Variants in ELAVL4 observed in about 807,000 individuals in gnomAD.
ELAVL4 encodes ELAV like RNA binding protein 4, also known as ELAV-like protein 4.
In ELAVL4, 1 loss-of-function variant was observed where a neutral mutation model predicts 35.6. The ratio of observed to expected loss-of-function variants is 0.03; its 90% CI spans 0.01 to 0.13. The LOEUF is 0.13. Among genes scored for constraint, ELAVL4 ranks in the 10% least tolerant of loss-of-function variants. The probability of loss-of-function intolerance (pLI) is 1.00; values close to 1 mark genes in which losing one functional copy is unlikely to be tolerated. For missense variants in ELAVL4, 267 were observed against 464.9 expected (o/e 0.57, Z 3.91); for synonymous variants, 156 against 171.0 (o/e 0.91, Z 0.69).
At chr1:50,054,618 T>A (rs1663563777) in intron 1 of ELAVL4, among the ~76,000 whole-genome samples, 1 of 152,238 alleles carries the variant, frequency 6.6e-6, no homozygotes, top group South Asian at 2.1e-4. Context: ...TATATTTGTG[T>A]ATTTTGTTTA....
At chr1:50,134,480 T>C (rs960184171) in intron 1 of ELAVL4, among the ~76,000 whole-genome samples, 6 of 152,140 alleles carry the variant, frequency 3.9e-5, no homozygotes, top group Non-Finnish European at 7.4e-5. Context: ...AGTTATTTTA[T>C]CCACATTAAA....
At chr1:50,058,079 A>C (rs1373576186) in intron 1 of ELAVL4, among the ~76,000 whole-genome samples, 1 of 152,236 alleles carries the variant, frequency 6.6e-6, no homozygotes, top group Non-Finnish European at 1.5e-5. Context: ...TGATTTTTGA[A>C]ATGGAAGAAC....
intron 3 of ELAVL4, among the ~76,000 whole-genome samples, chr1:50,190,574 T>C (rs146471862): frequency 6.6e-6 from 1 of 152,348 alleles, no homozygotes; most frequent in East Asian, 1.9e-4. Context: ...ATGATTGATG[T>C]GCTGTTCACC....
At chr1:50,168,404 G>C (rs532947862) in intron 2 of ELAVL4, among the ~76,000 whole-genome samples, 2 of 152,192 alleles carry the variant, frequency 1.3e-5, no homozygotes, top group East Asian at 1.9e-4. Context: ...CTTTAGTTGC[G>C]GGTCAGCCAC....
chr1:50,125,838 G>A (rs1669812072), intron 1 of ELAVL4, among the ~76,000 whole-genome samples: 1 of 152,018 alleles, frequency 6.6e-6, no homozygotes, highest in Non-Finnish European at 1.5e-5. Context: ...TGCTGGTTAA[G>A]GGCATCTTAG....
chr1:50,162,505 A>G (rs1676976403), intron 2 of ELAVL4, among the ~76,000 whole-genome samples: 1 of 152,220 alleles, frequency 6.6e-6, no homozygotes, highest in African/African-American at 2.4e-5. Flanking sequence ...AAGCCAGAAT[A>G]TACCCTCTGG....
At chr1:50,111,898 T>A (rs1185682628) in intron 1 of ELAVL4, among the ~76,000 whole-genome samples, 1 of 152,104 alleles carries the variant, frequency 6.6e-6, no homozygotes, top group East Asian at 1.9e-4. Context: ...TAAAAACAAT[T>A]GAAATGGTGA....
At position 50,197,203 on chromosome 1, in the gene ELAVL4, G is replaced by C. The variant is rs575994987; in HGVS notation, c.735-226G>C. On this transcript the variant is annotated intron_variant, in intron 5 of 6. Transcript: ENST00000371824. ...GTATTAATTCAGACCTTGAAAGAAAGGGAGACTCATTAGACACTTGCTTTA... is the reference window on the plus strand; with the variant it reads ...GTATTAATTCAGACCTTGAAAGAAACGGAGACTCATTAGACACTTGCTTTA... Among the ~76,000 whole-genome samples the C allele has an allele frequency of 4.0e-4, 61 of 152,252 alleles. 1 individual carries two copies. Among genetic ancestry groups the C allele is most frequent in the Non-Finnish European group, 1.9e-4 (13 of 68,014 alleles).
chr1:50,094,326 G>T (rs1370478798), intron 1 of ELAVL4, among the ~76,000 whole-genome samples: 3 of 152,156 alleles, frequency 2.0e-5, no homozygotes, highest in Admixed American at 6.5e-5. Flanking sequence ...GGTCTGCTGG[G>T]TACCACTTTA....
At chr1:50,144,478 C>A (rs1425149849) in intron 1 of ELAVL4, 1 of 424,444 alleles carries the variant, frequency 2.4e-6, no homozygotes, top group East Asian at 6.3e-5. Context: ...CCATATTGAA[C>A]AACCCCACTT....
chr1:50,140,670 T>C (rs1672669648), intron 1 of ELAVL4, among the ~76,000 whole-genome samples: 1 of 152,134 alleles, frequency 6.6e-6, no homozygotes, highest in Non-Finnish European at 1.5e-5. Flanking sequence ...TTATAGGATG[T>C]ATATTAACAC....
At chr1:50,176,939 G>A (rs751564531) in intron 2 of ELAVL4, 150 bp from the exon 3 acceptor site, 192 of 593,660 alleles carry the variant, frequency 3.2e-4, no homozygotes, top group Non-Finnish European at 4.9e-4. Flanking sequence ...AAACCCTGGT[G>A]TAAGAGGAAC....
intron 2 of ELAVL4, among the ~76,000 whole-genome samples, chr1:50,170,703 G>T (rs1470541124): frequency 6.6e-6 from 1 of 152,190 alleles, no homozygotes; most frequent in African/African-American, 2.4e-5. Context: ...GGTGATGCCA[G>T]TGATGCTGAT....
upstream of ELAVL4, among the ~76,000 whole-genome samples, chr1:50,101,541 T>C (rs1361942554): frequency 6.6e-6 from 1 of 152,174 alleles, no homozygotes; most frequent in African/African-American, 2.4e-5. Context: ...TGAGAAAAAA[T>C]TGAGCATGAC....
intron 2 of ELAVL4, among the ~76,000 whole-genome samples, chr1:50,146,930 A>G (rs1673827057): frequency 6.6e-6 from 1 of 152,072 alleles, no homozygotes; most frequent in South Asian, 2.1e-4. Context: ...CTAAAGACAC[A>G]TGTTTAAACA....
intron 1 of ELAVL4, among the ~76,000 whole-genome samples, chr1:50,093,188 G>C (rs1207234888): frequency 1.3e-5 from 2 of 152,222 alleles, no homozygotes; most frequent in Non-Finnish European, 2.9e-5. Context: ...ATACATAGGT[G>C]CAAGTTTTAA....
Position 50,202,383 on chromosome 1 carries a change from G to A in ELAVL4, c.*1205G>A, listed in dbSNP as rs1644423662. ...ACATATCTTAGTATCATAGTTAAAT[G>A]TAATGTGTTTAGGAGAGGAAAACAA... On this transcript the variant is annotated 3_prime_UTR_variant, in exon 7 of 7. Transcript: ENST00000371824. 6.6e-6 allele frequency: 1 copy of A among 152,188 alleles called. No homozygotes were observed. Among genetic ancestry groups the A allele is most frequent in the Non-Finnish European group, 1.5e-5 (1 of 68,034 alleles). The allele number at this position is 152,188 out of a possible 1,614,324, so 9.4% of individuals were successfully genotyped here.
At chr1:50,102,053 C>G (rs1326417919), upstream of ELAVL4, among the ~76,000 whole-genome samples, 2 of 152,092 alleles carry the variant, frequency 1.3e-5, no homozygotes, top group African/African-American at 4.8e-5. Flanking sequence ...TTGGGGAGGC[C>G]GTGGCGGGCA....
At chr1:50,109,359 T>G (rs1199094804) in intron 1 of ELAVL4, among the ~76,000 whole-genome samples, 161 bp downstream of exon 1, 1 of 152,046 alleles carries the variant, frequency 6.6e-6, no homozygotes, top group Admixed American at 6.6e-5. Context: ...GGGTAGGTCC[T>G]TTTATTGAAA....
Sources: allele counts gnomAD v4.1 joint callset (sites outside exome capture counted in the v4.1 genomes callset), GRCh38; gene constraint gnomAD v4.1.1; transcripts MANE v1.5; gene names NCBI Gene and HGNC (gene_info 2026-07-23, HGNC 2026-07-21).